The following PLCE1 variants were observed in gnomAD, a reference collection of about 807,000 sequenced individuals.
PLCE1 encodes the protein phospholipase C epsilon 1.
PLCE1 carries 119 observed loss-of-function variants against 242.8 expected under a neutral mutation model. The observed-to-expected ratio is 0.49, with a 90% CI of 0.42 to 0.57. The LOEUF is 0.57. Among genes scored for constraint, PLCE1 ranks in the 20% least tolerant of loss-of-function variants. The probability of loss-of-function intolerance (pLI) is 0.00; values close to 1 mark genes in which losing one functional copy is unlikely to be tolerated. For missense variants in PLCE1, 2,441 were observed against 2,788.8 expected (o/e 0.88, Z 2.81); for synonymous variants, 945 against 1,017.4 (o/e 0.93, Z 1.35).
At chr10:94,183,791 G>A (rs964114786) in intron 4 of PLCE1, among the ~76,000 whole-genome samples, 22 of 152,246 alleles carry the variant, frequency 1.4e-4, no homozygotes, top group Middle Eastern at 3.4e-3. Flanking sequence ...GAGGAGGCAC[G>A]TCATGGGGCA....
At chr10:94,251,180 CATGGACAGCCAT>C (rs1276118636) in intron 8 of PLCE1, among the ~76,000 whole-genome samples, 2 of 152,084 alleles carry the variant, frequency 1.3e-5, no homozygotes, top group Non-Finnish European at 2.9e-5. Context: ...AGAAACAGAT[CATGGACAGCCAT>C]AAGTCACAAT....
At chr10:94,258,674 T>C (rs917020427) in intron 11 of PLCE1, 126 bp from the exon 12 acceptor site, 11 of 1,073,252 alleles carry the variant, frequency 1.0e-5, no homozygotes, top group African/African-American at 1.5e-5. Context: ...TACTGGAAAA[T>C]AGCTTCAATC....
rs116532884 is a variant in PLCE1 at position 94,240,092 on chromosome 10, A to G, written c.2420+3972A>G. Among the ~76,000 whole-genome samples the G allele has an allele frequency of 2.4e-3, 363 of 152,270 alleles. 3 individuals carry two copies. Among genetic ancestry groups the G allele is most frequent in the African/African-American group, 8.4e-3 (350 of 41,548 alleles). ...TTGTAACAGAGACCATTTTCCCACT[A>G]TCTGCACAACATTCACCTTAGGCTT... On this transcript the variant is annotated intron_variant, in intron 7 of 32. Coordinates refer to ENST00000371380, the MANE Select transcript of PLCE1 (RefSeq NM_016341.4).
At chr10:94,002,967 C>T (rs1389076405) in intron 1 of PLCE1, among the ~76,000 whole-genome samples, 2 of 152,152 alleles carry the variant, frequency 1.3e-5, no homozygotes, top group Admixed American at 6.5e-5. Flanking sequence ...GATGACCACT[C>T]GAGGAATACC....
At chr10:94,108,733 TA>T (rs2045848351) in intron 2 of PLCE1, 1 of 152,202 alleles carries the variant, frequency 6.6e-6, no homozygotes, top group Non-Finnish European at 1.5e-5. Context: ...TCTGAGCCAG[TA>T]ATCCCCAACC....
intron 17 of PLCE1, among the ~76,000 whole-genome samples, chr10:94,269,444 C>T (rs1304693883): frequency 6.6e-6 from 1 of 151,954 alleles, no homozygotes; most frequent in Admixed American, 6.6e-5. Context: ...CAAATTACAC[C>T]TTAGATCAAG....
At chr10:94,281,336 AG>A (rs1389115770) in intron 20 of PLCE1, among the ~76,000 whole-genome samples, 1 of 152,228 alleles carries the variant, frequency 6.6e-6, no homozygotes, top group Non-Finnish European at 1.5e-5. Flanking sequence ...AGAATAAGAA[AG>A]GAAAAGCCTT....
chr10:94,011,464 C>G (rs748782688), intron 1 of PLCE1, among the ~76,000 whole-genome samples: 1 of 152,100 alleles, frequency 6.6e-6, no homozygotes, highest in Non-Finnish European at 1.5e-5. Flanking sequence ...ACCATCTCAC[C>G]TCTTATGACA....
chr10:94,238,001 C>A (rs1472120221), intron 7 of PLCE1, among the ~76,000 whole-genome samples: 1 of 152,222 alleles, frequency 6.6e-6, no homozygotes, highest in Non-Finnish European at 1.5e-5. Context: ...GGGACAATCT[C>A]ATGGTCCTTT....
intron 3 of PLCE1, among the ~76,000 whole-genome samples, chr10:94,139,725 T>G (rs967126022): frequency 1.3e-5 from 2 of 151,314 alleles, no homozygotes; most frequent in African/African-American, 2.4e-5. Flanking sequence ...TTCTTAACTT[T>G]GAACCATAAA....
At chr10:94,173,920 A>G (rs1019508778) in intron 4 of PLCE1, among the ~76,000 whole-genome samples, 1 of 152,232 alleles carries the variant, frequency 6.6e-6, no homozygotes, top group African/African-American at 2.4e-5. Flanking sequence ...CGACTGGAAT[A>G]GCTAAATTCT....
At chr10:94,205,216 T>G (rs888851361) in intron 4 of PLCE1, among the ~76,000 whole-genome samples, 1 of 152,182 alleles carries the variant, frequency 6.6e-6, no homozygotes, top group Non-Finnish European at 1.5e-5. Flanking sequence ...ACCTTTCCAT[T>G]CCCCAGGGGA....
chr10:94,320,125 T>G (rs2053738411), intron 29 of PLCE1, among the ~76,000 whole-genome samples: 1 of 152,120 alleles, frequency 6.6e-6, no homozygotes, highest in African/African-American at 2.4e-5. Context: ...GTGAATTACC[T>G]CTCAATCTTA....
intron 1 of PLCE1, among the ~76,000 whole-genome samples, chr10:94,006,100 A>G (rs1427077950): frequency 6.6e-6 from 1 of 152,212 alleles, no homozygotes; most frequent in African/African-American, 2.4e-5. Context: ...GCCTTGATGA[A>G]GCTATTCTTA....
rs2052923503 is a variant in PLCE1 at position 94,298,548 on chromosome 10, C to T, written c.5337C>T (p.His1779=). 3.7e-6 allele frequency: 6 copies of T among 1,613,992 alleles called. No homozygotes were observed. The highest frequency in any genetic ancestry group is 3.4e-6 in the Non-Finnish European group (4 of 1,180,010). ...GGTATTCTCAGAAACTGACCCAGCA[C>T]ACCGCCTGTCAGCTGCTGAGAACTT... ...CRRYSQKLTQ[H]TACQLLRTYP... Residue 1779 remains histidine, a synonymous_variant, in exon 24 of 33, where the codon CAC becomes CAT. Transcript: ENST00000371380. The surrounding 1 kb of genome is among the most constrained non-coding windows in gnomAD (Gnocchi z 5.2).
chr10:94,274,106 G>A (rs1406292913), intron 19 of PLCE1, among the ~76,000 whole-genome samples: 1 of 151,974 alleles, frequency 6.6e-6, no homozygotes, highest in Non-Finnish European at 1.5e-5. Context: ...AAGCCCAAAA[G>A]CCATAGCCCT....
chr10:94,250,480 G>A (rs9787670), intron 8 of PLCE1, among the ~76,000 whole-genome samples: 41,352 of 151,708 alleles, frequency 0.27, 5,687 homozygotes, highest in Middle Eastern at 0.35. Flanking sequence ...CAGCCTGGGC[G>A]ACAGAGGGAG....
intron 2 of PLCE1, among the ~76,000 whole-genome samples, chr10:94,083,994 G>A (rs1471338656): frequency 3.3e-5 from 5 of 152,188 alleles, no homozygotes; most frequent in African/African-American, 1.2e-4. Flanking sequence ...AGTATTATTG[G>A]GAGGATTAAA....
chr10:94,105,869 A>G (rs2045711188), intron 2 of PLCE1: 1 of 152,234 alleles, frequency 6.6e-6, no homozygotes, highest in Admixed American at 6.5e-5. Flanking sequence ...TTGTTTACCA[A>G]TAAATACTCA....
Sources: allele counts gnomAD v4.1 joint callset (sites outside exome capture counted in the v4.1 genomes callset), GRCh38; gene constraint gnomAD v4.1.1; non-coding constraint Gnocchi (gnomAD v3.1); transcripts MANE v1.5; gene names NCBI Gene and HGNC (gene_info 2026-07-23, HGNC 2026-07-21).